Variants in SHISA6 observed in about 807,000 individuals in gnomAD.
The protein encoded by SHISA6 is protein shisa-6.
Under a neutral mutation model 47.9 loss-of-function variants are expected in SHISA6, and 22 were observed. The ratio of observed to expected loss-of-function variants is 0.46; its 90% CI spans 0.33 to 0.66. The LOEUF (loss-of-function observed/expected upper bound fraction) is 0.66. SHISA6 is among the 30% of genes least tolerant of loss of function. The pLI is 0.02. For synonymous variants in SHISA6, 388 were observed against 337.8 expected (o/e 1.15, Z -1.63); for missense variants, 680 against 764.6 (o/e 0.89, Z 1.30).
chr17:11,323,582 AG>A, intron 2 of SHISA6, among the ~76,000 whole-genome samples: 1 of 152,064 alleles, frequency 6.6e-6, no homozygotes. Flanking sequence ...TGAACCCGGG[AG>A]GCAGAGGTTG....
intron 1 of SHISA6, among the ~76,000 whole-genome samples, chr17:11,259,630 G>A (rs1039226289): frequency 9.9e-5 from 15 of 152,170 alleles, no homozygotes; most frequent in Non-Finnish European, 5.9e-5. Context: ...AAGCACTTAC[G>A]GAAATTCAGA....
intron 3 of SHISA6, among the ~76,000 whole-genome samples, chr17:11,501,404 T>G (rs1026910313): frequency 1.3e-5 from 2 of 151,934 alleles, no homozygotes; most frequent in African/African-American, 2.4e-5. Flanking sequence ...CCAACAAATT[T>G]TTAAAAGTAT....
At chr17:11,326,487 A>G (rs1303214426) in intron 2 of SHISA6, among the ~76,000 whole-genome samples, 1 of 152,190 alleles carries the variant, frequency 6.6e-6, no homozygotes, top group Admixed American at 6.5e-5. Context: ...ACCAATAGGC[A>G]GTGAATTCTA....
chr17:11,266,931 G>C (rs1908446217), intron 2 of SHISA6, among the ~76,000 whole-genome samples: 2 of 152,132 alleles, frequency 1.3e-5, no homozygotes, highest in Non-Finnish European at 2.9e-5. Context: ...TTTGGGATGT[G>C]GGTTGAGAGT....
intron 2 of SHISA6, among the ~76,000 whole-genome samples, chr17:11,376,733 A>C (rs981972255): frequency 6.6e-6 from 1 of 152,202 alleles, no homozygotes; most frequent in African/African-American, 2.4e-5. Flanking sequence ...CCCTGGGTCC[A>C]GCAGAAGACT....
chr17:11,461,130 G>GGATT (rs1915678734), intron 3 of SHISA6, among the ~76,000 whole-genome samples: 1 of 152,118 alleles, frequency 6.6e-6, no homozygotes, highest in Non-Finnish European at 1.5e-5. Context: ...TGAATAGCAG[G>GGATT]CTCACGCCTG....
At chr17:11,538,961 G>A (rs188964232) in intron 3 of SHISA6, among the ~76,000 whole-genome samples, 10 of 152,186 alleles carry the variant, frequency 6.6e-5, no homozygotes, top group Admixed American at 5.9e-4. Context: ...TTTGTTTGGA[G>A]ATGGAGTCTC....
intron 2 of SHISA6, among the ~76,000 whole-genome samples, chr17:11,370,842 G>A (rs1033562400): frequency 6.6e-6 from 1 of 152,166 alleles, no homozygotes; most frequent in Non-Finnish European, 1.5e-5. Flanking sequence ...GTTCTGACAA[G>A]CTGGGATGGT....
intron 2 of SHISA6, among the ~76,000 whole-genome samples, chr17:11,315,295 A>G (rs1358563030): frequency 1.3e-5 from 2 of 152,076 alleles, no homozygotes; most frequent in East Asian, 3.9e-4. Context: ...GTTTTTCTGT[A>G]ACTTTATTGA....
intron 3 of SHISA6, among the ~76,000 whole-genome samples, chr17:11,420,755 G>A (rs1388645438): frequency 6.6e-6 from 1 of 152,150 alleles, no homozygotes; most frequent in East Asian, 1.9e-4. Flanking sequence ...AGGATCACTT[G>A]CCTTATAGCG....
At chr17:11,440,164 C>A (rs11659103) in intron 3 of SHISA6, among the ~76,000 whole-genome samples, 2 of 152,062 alleles carry the variant, frequency 1.3e-5, no homozygotes, top group African/African-American at 4.8e-5. Flanking sequence ...AAGATGAGGA[C>A]GCTGCCCTAC....
intron 1 of SHISA6, among the ~76,000 whole-genome samples, chr17:11,248,223 T>C (rs962497353): frequency 1.8e-4 from 28 of 152,096 alleles, no homozygotes; most frequent in Admixed American, 9.8e-4. Flanking sequence ...CTAACTCTAT[T>C]TTTTTTAATC....
intron 3 of SHISA6, among the ~76,000 whole-genome samples, chr17:11,420,257 C>A (rs1426465152): frequency 6.6e-6 from 1 of 152,148 alleles, no homozygotes; most frequent in Non-Finnish European, 1.5e-5. Flanking sequence ...TTAAGCCCTG[C>A]CCCCGCGGGA....
intron 2 of SHISA6, among the ~76,000 whole-genome samples, chr17:11,329,770 T>G (rs905408340): frequency 1.3e-5 from 2 of 152,116 alleles, no homozygotes; most frequent in African/African-American, 4.8e-5. Context: ...GGTCTGAATT[T>G]TTAGCCATTG....
chr17:11,453,215 C>T (rs1915449582), intron 3 of SHISA6, among the ~76,000 whole-genome samples: 1 of 152,108 alleles, frequency 6.6e-6, no homozygotes, highest in African/African-American at 2.4e-5. Context: ...ATAGATGATC[C>T]ATTGTGGATG....
chr17:11,509,118 C>T lies in SHISA6; in HGVS notation c.896-42778C>T, dbSNP rs116445251. ...AGAAGGAATTCAGACTTCATGCCTG[C>T]ACAGCCTTAGTCTCTTGGATAGTCC... On this transcript the variant is annotated intron_variant, in intron 3 of 5. Transcript: ENST00000441885. Among the ~76,000 whole-genome samples the T allele has an allele frequency of 7.4e-3, 1,123 of 152,274 alleles. 17 individuals are homozygous for T. Among genetic ancestry groups the T allele is most frequent in the African/African-American group, 0.026 (1,076 of 41,550 alleles).
At chr17:11,425,574 G>T (rs1418657104) in intron 3 of SHISA6, among the ~76,000 whole-genome samples, 1 of 152,144 alleles carries the variant, frequency 6.6e-6, no homozygotes, top group Non-Finnish European at 1.5e-5. Flanking sequence ...AAGTGACAGA[G>T]AATTCAGCCC....
At position 11,540,975 on chromosome 17, in the gene SHISA6, C is replaced by T. The variant is rs555007070; in HGVS notation, c.896-10921C>T. Among the ~76,000 whole-genome samples, 6 of 152,304 alleles carry T rather than the reference C, an allele frequency of 3.9e-5. No individual in the cohort carries two copies. In the South Asian group the frequency reaches 6.2e-4, roughly 16 times the overall value. ...TAGCATGGAAGCTTTCAGACAATGA[C>T]GCATAATGAATAAAAGTACAGGCTT... On this transcript the variant is annotated intron_variant, in intron 3 of 5. Transcript: ENST00000441885.
chr17:11,482,515 A>G (rs1409095294), intron 3 of SHISA6, among the ~76,000 whole-genome samples: 4 of 152,224 alleles, frequency 2.6e-5, no homozygotes, highest in Admixed American at 6.5e-5. Flanking sequence ...TTTTCTGCCA[A>G]GGAAAAAAAA....
Sources: allele counts gnomAD v4.1 joint callset (sites outside exome capture counted in the v4.1 genomes callset), GRCh38; gene constraint gnomAD v4.1.1; transcripts MANE v1.5; gene names NCBI Gene and HGNC (gene_info 2026-07-23, HGNC 2026-07-21).